The following GRHPR variants were observed in gnomAD, a reference collection of about 807,000 sequenced individuals.
GRHPR encodes the protein glyoxylate and hydroxypyruvate reductase.
GRHPR carries 35 observed loss-of-function variants against 36.8 expected under a neutral mutation model. The ratio of observed to expected loss-of-function variants is 0.95; its 90% CI spans 0.73 to 1.26. The LOEUF (loss-of-function observed/expected upper bound fraction) is 1.26, where lower values mean the gene tolerates loss of function less well. Among genes scored for constraint, GRHPR ranks in the 50% most tolerant of loss-of-function variants. GRHPR has a pLI of 0.00. For missense variants in GRHPR, 380 were observed against 435.0 expected, an observed-to-expected ratio of 0.87 and a Z score of 1.12; for synonymous variants, 179 against 181.0, an observed-to-expected ratio of 0.99 and a Z score of 0.09.
chr9:37,437,224 A>T (rs1489625901), downstream of GRHPR, among the ~76,000 whole-genome samples: 2 of 152,170 alleles, frequency 1.3e-5, no homozygotes, highest in Non-Finnish European at 2.9e-5. Flanking sequence ...AATCACCACT[A>T]CACTTAACCT....
At chr9:37,434,929 G>T (rs17411423) in intron 8 of GRHPR, 4,988 of 152,350 alleles carry the variant, frequency 0.033, 111 homozygotes, top group South Asian at 0.078. Flanking sequence ...TGAGTGAGCG[G>T]ATTTATTCTG....
intron 4 of GRHPR, among the ~76,000 whole-genome samples, chr9:37,427,060 T>G (rs1823118206): frequency 6.6e-6 from 1 of 152,106 alleles, no homozygotes; most frequent in South Asian, 2.1e-4. Context: ...TGACCCCAGG[T>G]GTGCCCCATT....
At position 37,430,655 on chromosome 9, in the gene GRHPR, G is replaced by A. The variant is rs56401536; in HGVS notation, c.734+9G>A. 8.4e-3 allele frequency: 13,500 copies of A among 1,612,824 alleles called. 918 individuals are homozygous for A. In the African/African-American group the frequency reaches 0.15, roughly 18 times the overall value. ...TTCATCAACATCAGCAGGTATCCTA[G>A]GGCCACCTTACCCAGCAAGCCTGGA... On this transcript the variant is annotated intron_variant, in intron 7 of 8. Coordinates refer to ENST00000318158, the MANE Select transcript of GRHPR (RefSeq NM_012203.2).
At chr9:37,438,201 G>A (rs550648380), downstream of GRHPR, 2 of 152,718 alleles carry the variant, frequency 1.3e-5, no homozygotes, top group Non-Finnish European at 2.9e-5. Flanking sequence ...CTCCTTGATA[G>A]AACTTTATGA....
intron 3 of GRHPR, 107 bp downstream of exon 3, chr9:37,426,101 G>A: frequency 1.3e-6 from 1 of 797,794 alleles, no homozygotes; most frequent in Non-Finnish European, 2.2e-6. Flanking sequence ...CATTCAGGGA[G>A]AATGTGAGGT....
At chr9:37,432,323 G>A (rs189750167) in intron 8 of GRHPR, 185 bp downstream of exon 8, 55 of 618,372 alleles carry the variant, frequency 8.9e-5, no homozygotes, top group East Asian at 7.3e-4. Flanking sequence ...GTCCTCTTGC[G>A]CATGCTCTGC....
At chr9:37,434,025 G>GGCCAC in intron 8 of GRHPR, 1 of 372,120 alleles carries the variant, frequency 2.7e-6, no homozygotes, top group Non-Finnish European at 4.8e-6. Context: ...CAGGAAAACT[G>GGCCAC]CCCTCCCACC....
At chr9:37,435,820 T>TAAAG (rs1485680374) in intron 8 of GRHPR, among the ~76,000 whole-genome samples, 7 of 152,202 alleles carry the variant, frequency 4.6e-5, no homozygotes, top group African/African-American at 1.7e-4. Context: ...GTTTATTTGG[T>TAAAG]AAAGATGATG....
intron 7 of GRHPR, chr9:37,431,079 C>A (rs1823344125): frequency 2.1e-6 from 1 of 470,166 alleles, no homozygotes; most frequent in East Asian, 6.9e-5. Context: ...GCGGACAGAC[C>A]CTAAAACTCA....
At chr9:37,430,480 C>A in intron 6 of GRHPR, 31 bp from the exon 7 acceptor site, 1 of 1,605,732 alleles carries the variant, frequency 6.2e-7, no homozygotes, top group South Asian at 1.1e-5. Flanking sequence ...GCCTGGGACT[C>A]AGTGCCTGAT....
chr9:37,426,469 A>G, intron 3 of GRHPR, 69 bp from the exon 4 acceptor site: 1 of 1,021,596 alleles, frequency 9.8e-7, no homozygotes, highest in Non-Finnish European at 1.6e-6. Context: ...ACTCCATGGA[A>G]ATGTCCCAGC....
rs577436763 is a variant in GRHPR, at chr9:37,422,730, G to C, written c.-21G>C. 3 of 1,554,386 alleles carry C rather than the reference G, an allele frequency of 1.9e-6. No individual in the cohort carries two copies. In the South Asian group the frequency reaches 3.5e-5, roughly 18 times the overall value. ...GGCCAGCTTCTGTACTGCCAGGTCC[G>C]GGTCGGCGGCTGCACTGCGGATGAG... On this transcript the variant is annotated 5_prime_UTR_variant, in exon 1 of 9. Transcript: ENST00000318158.
downstream of GRHPR, chr9:37,439,358 C>A (rs1306611637): frequency 6.6e-6 from 1 of 152,172 alleles, no homozygotes; most frequent in Non-Finnish European, 1.5e-5. Flanking sequence ...AAATATTTAC[C>A]CATGAACACT....
rs1823301552 is a variant in GRHPR, at chr9:37,430,386, ACT to A, written c.599-123_599-122del. The A allele has an allele frequency of 3.7e-6, 3 of 813,808 alleles. No homozygotes were observed. The Admixed American group carries it at 5.3e-5, about 14-fold the overall frequency. The allele number at this position is 813,808 out of a possible 1,614,324, so 50.4% of individuals were successfully genotyped here. ...ACTCATGAGAGTTGTCCAGGTAGAG[ACT>A]CGGCCTTCAGGAAGCATCTTGGGAG... On this transcript the variant is annotated intron_variant, in intron 6 of 8. Transcript: ENST00000318158.
intron 2 of GRHPR, among the ~76,000 whole-genome samples, chr9:37,425,260 C>A (rs950189088): frequency 1.1e-4 from 16 of 152,226 alleles, no homozygotes; most frequent in African/African-American, 3.9e-4. Context: ...CCTGCCACAA[C>A]CTTGCTCTGT....
At chr9:37,426,474 C>A in intron 3 of GRHPR, 64 bp from the exon 4 acceptor site, 3 of 1,047,196 alleles carry the variant, frequency 2.9e-6, no homozygotes, top group South Asian at 1.3e-5. Context: ...ATGGAAATGT[C>A]CCAGCAGTAG....
chr9:37,428,335 T>A, intron 4 of GRHPR, 149 bp from the exon 5 acceptor site: 1 of 699,486 alleles, frequency 1.4e-6, no homozygotes, highest in Non-Finnish European at 2.6e-6. Context: ...TCATCTGCAG[T>A]GCCGAGTGGC....
intron 8 of GRHPR, chr9:37,434,383 T>C (rs1823533637): frequency 2.0e-6 from 1 of 492,530 alleles, no homozygotes; most frequent in East Asian, 3.1e-5. Flanking sequence ...AGCTGGACTT[T>C]TCCTGCTTCC....
At chr9:37,436,149 T>C (rs1588767333) in intron 8 of GRHPR, among the ~76,000 whole-genome samples, 2 of 152,216 alleles carry the variant, frequency 1.3e-5, no homozygotes, top group African/African-American at 4.8e-5. Flanking sequence ...CCCTCTGTCA[T>C]CCAGGCTAGA....
Sources: allele counts gnomAD v4.1 joint callset (sites outside exome capture counted in the v4.1 genomes callset), GRCh38; gene constraint gnomAD v4.1.1; transcripts MANE v1.5; gene names NCBI Gene and HGNC (gene_info 2026-07-23, HGNC 2026-07-21).